Variants in PIBF1 observed in about 807,000 individuals in gnomAD.
PIBF1 encodes progesterone immunomodulatory binding factor 1.
In PIBF1, 90 loss-of-function variants were observed where a neutral mutation model predicts 112.5. The ratio of observed to expected loss-of-function variants is 0.80; its 90% CI spans 0.67 to 0.95. PIBF1 has a LOEUF of 0.95. PIBF1 is among the 40% of genes least tolerant of loss of function. PIBF1 has a pLI of 0.00. For missense variants in PIBF1, 915 were observed against 852.3 expected (o/e 1.07, Z -0.92); for synonymous variants, 301 against 288.6 (o/e 1.04, Z -0.44).
intron 11 of PIBF1, among the ~76,000 whole-genome samples, chr13:72,895,828 AC>A (rs2040260567): frequency 6.6e-6 from 1 of 152,122 alleles, no homozygotes; most frequent in South Asian, 2.1e-4. Context: ...CTCCTGCAGG[AC>A]CCGGAAGACA....
intron 11 of PIBF1, among the ~76,000 whole-genome samples, chr13:72,895,440 G>A (rs2040243953): frequency 6.6e-6 from 1 of 151,510 alleles, no homozygotes; most frequent in Admixed American, 6.6e-5. Flanking sequence ...AAGAGGACAT[G>A]CCTTCGCCTT....
chr13:73,009,202 T>C (rs1451645423), intron 17 of PIBF1, among the ~76,000 whole-genome samples: 1 of 152,234 alleles, frequency 6.6e-6, no homozygotes, highest in Non-Finnish European at 1.5e-5. Context: ...CCCTAAGTCC[T>C]ACCCAACATC....
intron 11 of PIBF1, among the ~76,000 whole-genome samples, chr13:72,908,140 A>G (rs904496756): frequency 6.6e-6 from 1 of 152,192 alleles, no homozygotes; most frequent in African/African-American, 2.4e-5. Context: ...TATTGTCAGT[A>G]TATCGTTTTT....
chr13:72,897,181 A>G (rs2040313641), intron 11 of PIBF1, among the ~76,000 whole-genome samples: 1 of 152,186 alleles, frequency 6.6e-6, no homozygotes, highest in African/African-American at 2.4e-5. Flanking sequence ...TAAGCCAATA[A>G]CTTTGTATCT....
At position 72,830,444 on chromosome 13, in the gene PIBF1, C is replaced by T. The variant is rs539142374; in HGVS notation, c.1097+2530C>T. On this transcript the variant is annotated intron_variant, in intron 8 of 17. Transcript: ENST00000326291. Reference sequence around the variant, plus strand: ...AACTAGCTCTTATTATTTTGAGATACGTTCCATCAATACCCAGTTTATTGA... The same window carrying T: ...AACTAGCTCTTATTATTTTGAGATATGTTCCATCAATACCCAGTTTATTGA... 1.8e-3 allele frequency among the ~76,000 whole-genome samples: 270 copies of T among 152,160 alleles called. 2 individuals are homozygous for T. Among genetic ancestry groups the T allele is most frequent in the Non-Finnish European group, 3.4e-3 (233 of 67,988 alleles).
intron 11 of PIBF1, among the ~76,000 whole-genome samples, chr13:72,903,635 T>C (rs530017022): frequency 2.0e-5 from 3 of 152,234 alleles, no homozygotes; most frequent in Non-Finnish European, 4.4e-5. Context: ...GCTACATGTA[T>C]TTAATGACTC....
intron 14 of PIBF1, among the ~76,000 whole-genome samples, chr13:72,959,491 A>G (rs2138888089): frequency 6.6e-6 from 1 of 152,306 alleles, no homozygotes; most frequent in African/African-American, 2.4e-5. Flanking sequence ...CATATATTTT[A>G]TAGACAGAAA....
intron 16 of PIBF1, among the ~76,000 whole-genome samples, chr13:72,979,814 C>T (rs1594308488): frequency 6.6e-6 from 1 of 151,978 alleles, no homozygotes; most frequent in East Asian, 1.9e-4. Context: ...TCCAGCTACT[C>T]GGGAGGCTGA....
intron 12 of PIBF1, among the ~76,000 whole-genome samples, chr13:72,915,983 A>C (rs1209330443): frequency 6.6e-6 from 1 of 152,162 alleles, no homozygotes; most frequent in East Asian, 1.9e-4. Flanking sequence ...GCTGGTGATA[A>C]ATAATATTAT....
chr13:72,836,106 A>T lies in PIBF1; in HGVS notation c.1223+738A>T, dbSNP rs769703695. 4.0e-5 allele frequency: 18 copies of T among 454,506 alleles called. 1 individual carries two copies. The highest frequency in any genetic ancestry group is 2.2e-4 in the South Asian group (14 of 64,182). The allele number at this position is 454,506 out of a possible 1,614,324, so 28.2% of individuals were successfully genotyped here. ...AGTGCGAGACACCATCTCAAAAAAA[A>T]AAAAGAAAAAAGAAATATCATTTTT... On this transcript the variant is annotated intron_variant, in intron 9 of 17. Coordinates refer to ENST00000326291, the MANE Select transcript of PIBF1 (RefSeq NM_006346.4).
chr13:72,908,909 C>A (rs1041553171), intron 12 of PIBF1, among the ~76,000 whole-genome samples: 9 of 151,730 alleles, frequency 5.9e-5, no homozygotes, highest in African/African-American at 2.2e-4. Context: ...AAAAATTACC[C>A]AGGAGTGATA....
chr13:73,005,371 G>A (rs2044000105), intron 17 of PIBF1, among the ~76,000 whole-genome samples: 1 of 151,550 alleles, frequency 6.6e-6, no homozygotes, highest in East Asian at 1.9e-4. Context: ...CTACTTGGGA[G>A]TCTGAGGTGG....
At chr13:72,955,723 A>G (rs1365678501) in intron 14 of PIBF1, among the ~76,000 whole-genome samples, 1 of 152,182 alleles carries the variant, frequency 6.6e-6, no homozygotes, top group Non-Finnish European at 1.5e-5. Flanking sequence ...ACTTGAACTC[A>G]AATTCTGTTC....
chr13:72,889,904 T>A (rs1002584242), intron 10 of PIBF1, among the ~76,000 whole-genome samples: 7 of 152,172 alleles, frequency 4.6e-5, no homozygotes, highest in African/African-American at 1.4e-4. Flanking sequence ...TTTAATGTAA[T>A]ACAAGCCATG....
chr13:72,807,875 A>T (rs539962749), intron 5 of PIBF1, among the ~76,000 whole-genome samples: 1 of 152,296 alleles, frequency 6.6e-6, no homozygotes, highest in Non-Finnish European at 1.5e-5. Flanking sequence ...ACACCAGTAT[A>T]TTTATCAGTA....
At chr13:72,900,941 G>C (rs1203343932) in intron 11 of PIBF1, 1 of 279,164 alleles carries the variant, frequency 3.6e-6, no homozygotes, top group Non-Finnish European at 7.2e-6. Flanking sequence ...AGAATCTCTT[G>C]AACCCGGGAG....
At chr13:72,990,096 C>G (rs9564934) in intron 16 of PIBF1, among the ~76,000 whole-genome samples, 4 of 151,040 alleles carry the variant, frequency 2.6e-5, no homozygotes, top group African/African-American at 4.9e-5. Context: ...CACCTGTAGT[C>G]TCAGCTACTC....
intron 11 of PIBF1, among the ~76,000 whole-genome samples, chr13:72,902,374 A>T (rs2040526257): frequency 6.6e-6 from 1 of 151,876 alleles, no homozygotes; most frequent in East Asian, 1.9e-4. Context: ...GTACCCCAAT[A>T]ACTTACGGAA....
chr13:73,006,119 A>G (rs1444741153), intron 17 of PIBF1, among the ~76,000 whole-genome samples: 2 of 151,872 alleles, frequency 1.3e-5, no homozygotes, highest in Non-Finnish European at 2.9e-5. Context: ...GGGTTTCACC[A>G]TATTGGCCAT....
Sources: gnomAD v4.1 joint callset for allele counts (sites outside exome capture counted in the v4.1 genomes callset) on GRCh38, gnomAD v4.1.1 for gene constraint, MANE v1.5 for transcripts, NCBI Gene and HGNC (gene_info 2026-07-23, HGNC 2026-07-21) for gene names.